Variants in PCF11 observed in about 807,000 individuals in gnomAD.
PCF11 encodes pre-mRNA cleavage complex 2 protein Pcf11.
Under a neutral mutation model 166.1 loss-of-function variants are expected in PCF11, and 19 were observed. The observed-to-expected ratio is 0.11, with a 90% confidence interval of 0.08 to 0.17. PCF11 has a LOEUF of 0.17. Ranked by LOEUF, PCF11 falls within the 10% of genes least tolerant of loss-of-function variation. PCF11 has a pLI of 1.00. For missense variants in PCF11, 1,565 were observed against 1,855.5 expected (o/e 0.84, Z 2.88); for synonymous variants, 663 against 644.1 (o/e 1.03, Z -0.44).
At chr11:83,183,411 C>T (rs1461224315) in intron 15 of PCF11, among the ~76,000 whole-genome samples, 2 of 151,942 alleles carry the variant, frequency 1.3e-5, no homozygotes, top group African/African-American at 2.4e-5. Context: ...GATGGGGATA[C>T]GTTTCTAGAG....
intron 2 of PCF11, among the ~76,000 whole-genome samples, chr11:83,162,780 T>G (rs1442991202): frequency 1.3e-5 from 2 of 152,232 alleles, no homozygotes; most frequent in African/African-American, 2.4e-5. Context: ...TTCTTTTTCT[T>G]TTTTTTGTTT....
chr11:83,177,911 C>T, intron 11 of PCF11, 92 bp downstream of exon 11: 2 of 472,940 alleles, frequency 4.2e-6, no homozygotes, highest in Non-Finnish European at 3.7e-6. Flanking sequence ...TTTCCCTTTC[C>T]CTTTATCCCT....
chr11:83,157,386 C>A, exon 1 of PCF11: 1 of 1,520,078 alleles, frequency 6.6e-7, no homozygotes, highest in Non-Finnish European at 9.0e-7. Context: ...GGCGGGGTAT[C>A]CAGAGCGGCT....
intron 5 of PCF11, 132 bp downstream of exon 5, chr11:83,166,846 G>A: frequency 1.3e-6 from 1 of 773,718 alleles, no homozygotes; most frequent in South Asian, 1.9e-5. Flanking sequence ...CATCTCTGTG[G>A]GTTAAATACT....
At position 83,182,464 on chromosome 11, in the gene PCF11, G is replaced by GA; in HGVS notation, c.4394dup (p.Asn1465LysfsTer4). On this transcript the variant is annotated frameshift_variant, in exon 14 of 16. Transcript: ENST00000298281. LOFTEE classifies it high-confidence loss of function. ...ATGAAGAAGAGGAGGAATGGCATTT[G>GA]AAAAATGCTATTAGAGTAGATGGAA... The GA allele has an allele frequency of 6.4e-7, 1 of 1,557,014 alleles. No individual in the cohort carries two copies. The highest frequency in any genetic ancestry group is 8.9e-7 in the Non-Finnish European group (1 of 1,128,838).
At chr11:83,168,954 G>A in exon 8 of PCF11, 4 of 1,613,706 alleles carry the variant, frequency 2.5e-6, no homozygotes, top group South Asian at 2.2e-5. Flanking sequence ...GCCAGCCTGT[G>A]GGTGGTCTGA....
Position 83,161,460 on chromosome 11 carries a change from T to A in PCF11, c.318+8T>A. The stretch of plus-strand genomic sequence containing the variant: ...ATTTGTGTGTTTGAAAAGGTACATA[T>A]GCATTTAGAAACATTTGCGTTTTTT... On this transcript the variant is annotated splice_region_variant and intron_variant, in intron 2 of 15. Transcript: ENST00000298281. 6.4e-7 allele frequency: 1 copy of A among 1,552,908 alleles called. No homozygotes were observed. Among genetic ancestry groups the A allele is most frequent in the African/African-American group, 1.4e-5 (1 of 71,718 alleles).
chr11:83,159,675 C>CT, intron 1 of PCF11, among the ~76,000 whole-genome samples: 1 of 152,210 alleles, frequency 6.6e-6, no homozygotes, highest in Non-Finnish European at 1.5e-5. Flanking sequence ...TTTGGGGGAT[C>CT]TATCTTAATC....
At chr11:83,176,125 C>T (rs1860870577) in intron 9 of PCF11, among the ~76,000 whole-genome samples, 1 of 152,122 alleles carries the variant, frequency 6.6e-6, no homozygotes, top group African/African-American at 2.4e-5. Flanking sequence ...ACTACTTTTT[C>T]CAGTGTACTT....
chr11:83,176,725 A>G (rs1189695402), intron 9 of PCF11, among the ~76,000 whole-genome samples: 1 of 152,120 alleles, frequency 6.6e-6, no homozygotes, highest in African/African-American at 2.4e-5. Flanking sequence ...ATTAGGAGAA[A>G]TACCTAATGT....
chr11:83,171,825 G>A (rs1463733437), exon 9 of PCF11: 2 of 1,564,776 alleles, frequency 1.3e-6, no homozygotes, highest in South Asian at 2.2e-5. Flanking sequence ...AAGGTTCTGA[G>A]TGGTGTTGCT....
chr11:83,168,740 G>C, exon 8 of PCF11: 1 of 1,613,942 alleles, frequency 6.2e-7, no homozygotes, highest in Non-Finnish European at 8.5e-7. Context: ...GGGGGAGGAG[G>C]CCCTTTGAGA....
At chr11:83,163,748 A>G in exon 3 of PCF11, 5 of 1,597,192 alleles carry the variant, frequency 3.1e-6, no homozygotes, top group Non-Finnish European at 4.3e-6. Context: ...CCCTTTGAAG[A>G]AACTTTATGC....
At chr11:83,182,956 T>A (rs1590940911) in intron 14 of PCF11, 82 bp from the exon 15 acceptor site, 1 of 869,414 alleles carries the variant, frequency 1.2e-6, no homozygotes, top group East Asian at 2.7e-5. Context: ...GACTATCTTC[T>A]GGCTTAAAGT....
intron 8 of PCF11, among the ~76,000 whole-genome samples, chr11:83,170,553 C>T (rs1347516583): frequency 6.6e-6 from 1 of 152,116 alleles, no homozygotes; most frequent in Non-Finnish European, 1.5e-5. Flanking sequence ...GAATAGCCTT[C>T]CAAATACACT....
chr11:83,172,227 A>G (rs544176242), intron 9 of PCF11, among the ~76,000 whole-genome samples: 1 of 152,182 alleles, frequency 6.6e-6, no homozygotes, highest in Non-Finnish European at 1.5e-5. Context: ...ATAGAATGAA[A>G]TAAATGACAG....
exon 1 of PCF11, chr11:83,157,215 G>A: frequency 1.7e-6 from 1 of 585,592 alleles, no homozygotes; most frequent in Non-Finnish European, 3.0e-6. Flanking sequence ...GGAGAAAGAA[G>A]CTTCTGTGGC....
At chr11:83,159,873 G>T (rs1860162116) in intron 1 of PCF11, among the ~76,000 whole-genome samples, 2 of 152,096 alleles carry the variant, frequency 1.3e-5, no homozygotes, top group African/African-American at 4.8e-5. Flanking sequence ...TACATAAAAG[G>T]ACTTCACTTG....
At chr11:83,157,772 G>C (rs1192222646) in intron 1 of PCF11, 141 bp downstream of exon 1, 1 of 750,056 alleles carries the variant, frequency 1.3e-6, no homozygotes, top group African/African-American at 1.8e-5. Flanking sequence ...ACTCAGGCTC[G>C]GTCTTTGGCC....
Sources: gnomAD v4.1 joint callset for allele counts (sites outside exome capture counted in the v4.1 genomes callset) on GRCh38, gnomAD v4.1.1 for gene constraint, MANE v1.5 for transcripts, NCBI Gene and HGNC (gene_info 2026-07-23, HGNC 2026-07-21) for gene names.